Variants in PRH1 observed in about 807,000 individuals in gnomAD.
The protein encoded by PRH1 is salivary acidic proline-rich phosphoprotein 1/2.
In PRH1, 7 loss-of-function variants were observed where a neutral mutation model predicts 7.9. The ratio of observed to expected loss-of-function variants is 0.89; its 90% CI spans 0.50 to 1.67. The LOEUF (loss-of-function observed/expected upper bound fraction) is 1.67, where lower values mean the gene tolerates loss of function less well. Among genes scored for constraint, PRH1 ranks in the 40% most tolerant of loss-of-function variants. PRH1 has a pLI of 0.00. For synonymous variants in PRH1, 45 were observed against 80.8 expected, an observed-to-expected ratio of 0.56 and a Z score of 2.38; for missense variants, 109 against 223.6, an observed-to-expected ratio of 0.49 and a Z score of 3.27.
intron 1 of PRH1, chr12:11,030,586 C>T: frequency 6.2e-7 from 1 of 1,614,216 alleles, no homozygotes; most frequent in South Asian, 1.1e-5. Flanking sequence ...TCCCAAAACT[C>T]CAAACTGATA....
chr12:10,977,122 A>C (rs1939140858), intron 1 of PRH1, among the ~76,000 whole-genome samples: 1 of 152,176 alleles, frequency 6.6e-6, no homozygotes, highest in South Asian at 2.1e-4. Flanking sequence ...AAAATAGAAA[A>C]CTTCAGACCA....
intron 2 of PRH1, among the ~76,000 whole-genome samples, chr12:10,941,708 A>AT (rs544035624): frequency 4.0e-5 from 6 of 151,208 alleles, no homozygotes; most frequent in South Asian, 2.1e-4. Context: ...AACCTCCTGA[A>AT]TTTTTTTTCA....
At chr12:11,012,453 G>A (rs906535678) in intron 1 of PRH1, among the ~76,000 whole-genome samples, 1 of 152,086 alleles carries the variant, frequency 6.6e-6, no homozygotes, top group Admixed American at 6.6e-5. Flanking sequence ...TATAGTATAT[G>A]TATAACTGCT....
intron 1 of PRH1, among the ~76,000 whole-genome samples, chr12:11,040,783 T>C (rs1942674629): frequency 1.3e-5 from 2 of 152,170 alleles, no homozygotes; most frequent in Admixed American, 6.5e-5. Flanking sequence ...AACAAAAAGT[T>C]AAAACCTGAG....
intron 2 of PRH1, among the ~76,000 whole-genome samples, chr12:10,972,109 G>A (rs1335653202): frequency 6.6e-6 from 1 of 151,974 alleles, no homozygotes; most frequent in African/African-American, 2.4e-5. Flanking sequence ...GGCCCTGAAA[G>A]GACTCATACA....
intron 1 of PRH1, among the ~76,000 whole-genome samples, chr12:11,104,743 GA>G (rs1489033736): frequency 2.3e-4 from 34 of 150,276 alleles, no homozygotes; most frequent in African/African-American, 8.3e-4. Context: ...ATACTCAGCC[GA>G]AATGATGGCA....
chr12:10,983,011 C>T (rs755848683), intron 1 of PRH1, among the ~76,000 whole-genome samples: 5 of 152,106 alleles, frequency 3.3e-5, no homozygotes, highest in African/African-American at 4.8e-5. Context: ...AAGTCAAACC[C>T]GAAACAAAAA....
At chr12:10,909,476 A>C (rs1949863579) in intron 2 of PRH1, 1 of 583,270 alleles carries the variant, frequency 1.7e-6, no homozygotes, top group Non-Finnish European at 3.1e-6. Flanking sequence ...ATCGATCTTC[A>C]CATAACTGTT....
chr12:11,061,391 T>G, intron 1 of PRH1: 1 of 1,613,736 alleles, frequency 6.2e-7, no homozygotes, highest in Non-Finnish European at 8.5e-7. Context: ...TTCTCTCCTT[T>G]CACCCAGTAC....
chr12:11,085,622 G>T (rs1173810445), intron 1 of PRH1, among the ~76,000 whole-genome samples: 1 of 115,766 alleles, frequency 8.6e-6, no homozygotes, highest in Non-Finnish European at 2.0e-5. Context: ...TGAGTTCAGG[G>T]CTGACTTAAC....
intron 1 of PRH1, among the ~76,000 whole-genome samples, chr12:11,109,716 A>G (rs546297450): frequency 7.2e-5 from 11 of 152,272 alleles, no homozygotes; most frequent in African/African-American, 2.4e-4. Context: ...GATGAGGAAA[A>G]ACCAGGGCAA....
intron 1 of PRH1, among the ~76,000 whole-genome samples, chr12:11,105,116 G>A (rs1439672370): frequency 6.6e-6 from 1 of 151,878 alleles, no homozygotes. Flanking sequence ...TGTGTCAGAT[G>A]ACTTTGAAAA....
intron 1 of PRH1, among the ~76,000 whole-genome samples, chr12:11,096,078 G>A (rs1945062944): frequency 8.8e-6 from 1 of 114,226 alleles, no homozygotes; most frequent in African/African-American, 2.9e-5. Flanking sequence ...TATCGTGTCT[G>A]AAGTCTGATA....
At chr12:11,139,181 T>C (rs1946637873) in intron 1 of PRH1, among the ~76,000 whole-genome samples, 1 of 152,258 alleles carries the variant, frequency 6.6e-6, no homozygotes, top group African/African-American at 2.4e-5. Flanking sequence ...AGAAATGTAC[T>C]TATGTTTTTG....
intron 1 of PRH1, among the ~76,000 whole-genome samples, chr12:11,090,552 A>T (rs1332138104): frequency 9.9e-6 from 1 of 101,338 alleles, no homozygotes; most frequent in African/African-American, 3.3e-5. Context: ...CATGATCATG[A>T]TGTTTCATCC....
chr12:10,957,082 T>TAA (rs1938001858), intron 2 of PRH1, among the ~76,000 whole-genome samples: 1 of 143,906 alleles, frequency 6.9e-6, no homozygotes. Flanking sequence ...TCACTGGGAA[T>TAA]GAAAAAAAAA....
At chr12:11,020,363 G>GATATATCTATCTATATATATATAT in intron 1 of PRH1, among the ~76,000 whole-genome samples, 1 of 87,584 alleles carries the variant, frequency 1.1e-5, no homozygotes, top group Non-Finnish European at 2.3e-5. Context: ...TATGATAAGC[G>GATATATCTATCTATATATATATAT]ATATATATAT....
intron 2 of PRH1, among the ~76,000 whole-genome samples, chr12:10,969,252 G>A (rs1164505221): frequency 1.3e-5 from 2 of 152,054 alleles, no homozygotes; most frequent in Non-Finnish European, 2.9e-5. Context: ...TCCCACCATA[G>A]TCTACAACAT....
At chr12:11,062,426 A>G in intron 1 of PRH1, 23 of 1,251,622 alleles carry the variant, frequency 1.8e-5, no homozygotes, top group Non-Finnish European at 2.4e-5. Context: ...TTTACTTTTA[A>G]TTGCTGTGAC....
Sources: allele counts gnomAD v4.1 joint callset (sites outside exome capture counted in the v4.1 genomes callset), GRCh38; gene constraint gnomAD v4.1.1; transcripts MANE v1.5; gene names NCBI Gene and HGNC (gene_info 2026-07-23, HGNC 2026-07-21).